MCTP1: variants seen among roughly 807,000 people sequenced by gnomAD.
The protein encoded by MCTP1 is multiple C2 and transmembrane domain-containing protein 1.
MCTP1 carries 69 observed loss-of-function variants against 120.6 expected under a neutral mutation model. That is an observed-to-expected ratio of 0.57 (90% CI 0.47 to 0.70). The LOEUF is 0.70. MCTP1 is among the 30% of genes least tolerant of loss of function. The pLI is 0.00. For missense variants in MCTP1, 1,203 were observed against 1,248.8 expected (o/e 0.96, Z 0.55); for synonymous variants, 529 against 493.1 (o/e 1.07, Z -0.96).
intron 1 of MCTP1, among the ~76,000 whole-genome samples, chr5:95,160,566 A>G (rs1413041469): frequency 6.6e-6 from 1 of 152,122 alleles, no homozygotes; most frequent in Non-Finnish European, 1.5e-5. Flanking sequence ...CTTAGATATA[A>G]CCCCAAAAGT....
rs1427324831 is a variant in MCTP1 at position 95,122,224 on chromosome 5, G to GA, written c.721-104741dup. On this transcript the variant is annotated intron_variant, in intron 1 of 22. Transcript: ENST00000515393. Reference sequence around the variant, plus strand: ...AGTGAAAAGACAACCCACAGAATGGGAAAAAACATTTGCAAACTATCCATC... The same window carrying GA: ...AGTGAAAAGACAACCCACAGAATGGGAAAAAAACATTTGCAAACTATCCATC... Among the ~76,000 whole-genome samples the GA allele has an allele frequency of 4.1e-5, 6 of 144,916 alleles. No individual in the cohort carries two copies. The East Asian group carries it at 1.4e-3, about 34-fold the overall frequency.
intron 1 of MCTP1, among the ~76,000 whole-genome samples, chr5:95,245,974 C>T (rs1482173212): frequency 1.3e-5 from 2 of 152,008 alleles, no homozygotes; most frequent in African/African-American, 2.4e-5. Context: ...AGACTAACAG[C>T]GGATCTCTCG....
At chr5:95,006,331 A>G (rs1011621564) in intron 2 of MCTP1, among the ~76,000 whole-genome samples, 11 of 151,436 alleles carry the variant, frequency 7.3e-5, no homozygotes. Flanking sequence ...ATATGTATAT[A>G]TATGTGTGTA....
intron 1 of MCTP1, among the ~76,000 whole-genome samples, chr5:95,199,851 A>G (rs896985178): frequency 1.4e-5 from 2 of 147,022 alleles, no homozygotes; most frequent in Non-Finnish European, 3.0e-5. Flanking sequence ...AGAGCAAGAG[A>G]CTCCGTCTCA....
Position 94,949,497 on chromosome 5 carries a change from C to T in MCTP1, c.981+3722G>A, listed in dbSNP as rs562864782. Reference sequence around the variant, plus strand: ...AAATTAAAAGTTACATAAATTCCAACCAATTGCAAAGAATATTTTTATTTT... The same window carrying T: ...AAATTAAAAGTTACATAAATTCCAATCAATTGCAAAGAATATTTTTATTTT... On this transcript the variant is annotated intron_variant, in intron 3 of 22. Transcript: ENST00000515393. 1.6e-3 allele frequency among the ~76,000 whole-genome samples: 240 copies of T among 152,074 alleles called. 2 individuals are homozygous for T. Among genetic ancestry groups the T allele is most frequent in the Non-Finnish European group, 2.2e-4 (15 of 67,984 alleles).
chr5:94,816,977 GA>G (rs1166614831), intron 17 of MCTP1, among the ~76,000 whole-genome samples: 1 of 152,082 alleles, frequency 6.6e-6, no homozygotes, highest in African/African-American at 2.4e-5. Flanking sequence ...CTGTGTTAGA[GA>G]TAAAAGGTGT....
intron 1 of MCTP1, among the ~76,000 whole-genome samples, chr5:95,187,365 C>T (rs1427375021): frequency 6.6e-6 from 1 of 152,128 alleles, no homozygotes; most frequent in Non-Finnish European, 1.5e-5. Flanking sequence ...AGACAAACAT[C>T]ATATGTTCTC....
intron 12 of MCTP1, among the ~76,000 whole-genome samples, chr5:94,881,529 C>T (rs1202424446): frequency 6.6e-6 from 1 of 152,098 alleles, no homozygotes; most frequent in Non-Finnish European, 1.5e-5. Flanking sequence ...TTCTTCTTTT[C>T]TCCAGTACAA....
chr5:95,014,958 A>G (rs1836795609), intron 2 of MCTP1, among the ~76,000 whole-genome samples: 2 of 152,294 alleles, frequency 1.3e-5, no homozygotes, highest in South Asian at 4.1e-4. Context: ...AGCCATCAAC[A>G]TCGAGGCAAG....
In MCTP1 at chr5:95,087,595, A is replaced by C. The variant is rs75880514; in HGVS notation, c.721-70111T>G. ...CTGATGTTTAAATCTTAGCCTCTAC[A>C]CAATATGAGACAAACAAAAGCTTTT... is the stretch of plus-strand genomic sequence containing the variant. On this transcript the variant is annotated intron_variant, in intron 1 of 22. Transcript: ENST00000515393. 2.6e-5 allele frequency among the ~76,000 whole-genome samples: 4 copies of C among 152,178 alleles called. No individual in the cohort carries two copies. In the East Asian group the frequency reaches 7.7e-4, roughly 29 times the overall value.
At chr5:95,032,305 G>A (rs916735827) in intron 1 of MCTP1, among the ~76,000 whole-genome samples, 2 of 151,966 alleles carry the variant, frequency 1.3e-5, no homozygotes, top group African/African-American at 4.8e-5. Flanking sequence ...ATCTGTGCAT[G>A]GAACATTTTC....
At chr5:95,010,331 C>G (rs1835677504) in intron 2 of MCTP1, among the ~76,000 whole-genome samples, 1 of 152,062 alleles carries the variant, frequency 6.6e-6, no homozygotes, top group Non-Finnish European at 1.5e-5. Context: ...ACCCATAATT[C>G]CGGTTCAAGC....
At chr5:95,001,016 A>C (rs1212796917) in intron 2 of MCTP1, among the ~76,000 whole-genome samples, 1 of 152,190 alleles carries the variant, frequency 6.6e-6, no homozygotes, top group Non-Finnish European at 1.5e-5. Flanking sequence ...TCATGTCGGC[A>C]GTTTCCTCCA....
At chr5:94,828,674 G>A (rs372314513) in intron 17 of MCTP1, among the ~76,000 whole-genome samples, 7 of 152,180 alleles carry the variant, frequency 4.6e-5, no homozygotes, top group Admixed American at 3.3e-4. Context: ...AATCTAGAGC[G>A]GCAGTCTGGC....
At chr5:94,861,999 A>G (rs1468239748) in intron 17 of MCTP1, among the ~76,000 whole-genome samples, 2 of 151,834 alleles carry the variant, frequency 1.3e-5, no homozygotes, top group Non-Finnish European at 2.9e-5. Context: ...ATTGAGGCAC[A>G]TGAGAAAGCT....
At chr5:94,931,556 G>A (rs982310289) in intron 6 of MCTP1, 1 of 166,350 alleles carries the variant, frequency 6.0e-6, no homozygotes, top group Non-Finnish European at 1.3e-5. Flanking sequence ...GAATTTCTGA[G>A]TTTAGAAAGC....
At chr5:94,948,714 G>A (rs944539876) in intron 3 of MCTP1, among the ~76,000 whole-genome samples, 4 of 152,074 alleles carry the variant, frequency 2.6e-5, no homozygotes, top group Non-Finnish European at 5.9e-5. Flanking sequence ...AAATACAGAA[G>A]CTTGGACTCT....
chr5:94,826,505 A>C, intron 17 of MCTP1: 1 of 703,700 alleles, frequency 1.4e-6, no homozygotes, highest in East Asian at 2.8e-5. Flanking sequence ...TCAGTTCTGT[A>C]CATCTGCCTA....
At chr5:94,768,600 G>C (rs1339829362) in intron 19 of MCTP1, among the ~76,000 whole-genome samples, 1 of 152,056 alleles carries the variant, frequency 6.6e-6, no homozygotes, top group Non-Finnish European at 1.5e-5. Context: ...TTTCTCAAAA[G>C]AAGACATACA....
Sources: gnomAD v4.1 joint callset for allele counts (sites outside exome capture counted in the v4.1 genomes callset) on GRCh38, gnomAD v4.1.1 for gene constraint, MANE v1.5 for transcripts, NCBI Gene and HGNC (gene_info 2026-07-23, HGNC 2026-07-21) for gene names.